SGCZ: variants seen among roughly 807,000 people sequenced by gnomAD.
The protein encoded by SGCZ is zeta-sarcoglycan.
Under a neutral mutation model 41.3 loss-of-function variants are expected in SGCZ, and 40 were observed. That is an observed-to-expected ratio of 0.97 (90% CI 0.75 to 1.26). SGCZ has a LOEUF of 1.26. Ranked by LOEUF, SGCZ falls within the 50% of genes most tolerant of loss-of-function variation. SGCZ has a pLI of 0.00. For missense variants in SGCZ, 552 were observed against 369.8 expected (o/e 1.49, Z -4.04); for synonymous variants, 206 against 137.5 (o/e 1.50, Z -3.49).
intron 1 of SGCZ, among the ~76,000 whole-genome samples, chr8:14,854,114 G>A (rs1803458249): frequency 7.0e-6 from 1 of 142,150 alleles, no homozygotes; most frequent in South Asian, 2.2e-4. Context: ...ATATCTCCTT[G>A]CACAGAGTCA....
intron 1 of SGCZ, among the ~76,000 whole-genome samples, chr8:14,903,090 C>T (rs1283669599): frequency 2.0e-5 from 3 of 152,076 alleles, no homozygotes; most frequent in African/African-American, 7.2e-5. Flanking sequence ...GTTAACGAGG[C>T]AGAGGGTTCT....
chr8:14,454,008 T>G (rs1343772808), intron 2 of SGCZ, among the ~76,000 whole-genome samples: 3 of 152,084 alleles, frequency 2.0e-5, no homozygotes, highest in Non-Finnish European at 4.4e-5. Flanking sequence ...AAAATAATTG[T>G]TTTTAATGAA....
At chr8:14,357,264 T>C (rs1229148616) in intron 2 of SGCZ, among the ~76,000 whole-genome samples, 1 of 152,214 alleles carries the variant, frequency 6.6e-6, no homozygotes, top group Non-Finnish European at 1.5e-5. Context: ...TCAAGAAGTA[T>C]GTATTTCAGT....
At chr8:14,838,220 G>GATAGAATGAA (rs1802770483) in intron 1 of SGCZ, among the ~76,000 whole-genome samples, 1 of 152,092 alleles carries the variant, frequency 6.6e-6, no homozygotes, top group Non-Finnish European at 1.5e-5. Context: ...AAGATAGGTA[G>GATAGAATGAA]ATAGAATGAA....
intron 1 of SGCZ, among the ~76,000 whole-genome samples, chr8:15,198,826 T>C (rs1800811906): frequency 6.6e-6 from 1 of 152,184 alleles, no homozygotes; most frequent in South Asian, 2.1e-4. Flanking sequence ...CTCATGTGAC[T>C]CTATGACTTA....
chr8:15,100,459 T>G (rs1806562766), intron 1 of SGCZ, among the ~76,000 whole-genome samples: 1 of 152,136 alleles, frequency 6.6e-6, no homozygotes, highest in South Asian at 2.1e-4. Context: ...AAAGAATATC[T>G]AAATAAATAG....
chr8:15,199,825 G>C (rs1800839533), intron 1 of SGCZ, among the ~76,000 whole-genome samples: 1 of 152,096 alleles, frequency 6.6e-6, no homozygotes, highest in Non-Finnish European at 1.5e-5. Context: ...TTAAACCTTT[G>C]CGGAAAAAAA....
chr8:14,179,958 C>T (rs1804668376), intron 4 of SGCZ, among the ~76,000 whole-genome samples: 1 of 152,178 alleles, frequency 6.6e-6, no homozygotes, highest in South Asian at 2.1e-4. Flanking sequence ...CCGGCCCAAG[C>T]ACTAGGGGCC....
At position 14,086,186 on chromosome 8, in the gene SGCZ, C is replaced by T. The variant is rs1300856657; in HGVS notation, c.*4257G>A. On this transcript the variant is annotated 3_prime_UTR_variant, in exon 8 of 8. Transcript: ENST00000382080. ...TTTGAAGAATTAGGTGACAAGACCT[C>T]ACTCATATAAAACTCAAATATGAAT... Among the ~76,000 whole-genome samples, 1 of 151,632 alleles carries T rather than the reference C, an allele frequency of 6.6e-6. No homozygotes were observed. The highest frequency in any genetic ancestry group is 1.5e-5 in the Non-Finnish European group (1 of 67,750).
chr8:15,085,577 C>A (rs1475704134), intron 1 of SGCZ, among the ~76,000 whole-genome samples: 1 of 152,116 alleles, frequency 6.6e-6, no homozygotes, highest in Non-Finnish European at 1.5e-5. Flanking sequence ...CTGTAGGTAA[C>A]CTGACAGCTT....
chr8:14,567,858 C>T (rs1032386018), intron 1 of SGCZ, among the ~76,000 whole-genome samples: 6 of 152,186 alleles, frequency 3.9e-5, no homozygotes, highest in African/African-American at 1.4e-4. Flanking sequence ...AGCTTCACTC[C>T]TGAGCCAGAG....
At chr8:15,164,952 T>C (rs2117049339) in intron 1 of SGCZ, among the ~76,000 whole-genome samples, 1 of 152,206 alleles carries the variant, frequency 6.6e-6, no homozygotes, top group Middle Eastern at 3.4e-3. Context: ...ACCCAGCAAC[T>C]GGGTTTTCTT....
chr8:14,236,105 A>G (rs1028543062), intron 4 of SGCZ, among the ~76,000 whole-genome samples: 1 of 152,208 alleles, frequency 6.6e-6, no homozygotes, highest in Non-Finnish European at 1.5e-5. Context: ...TGGAAAATCT[A>G]CTAAGGTTAG....
intron 2 of SGCZ, among the ~76,000 whole-genome samples, chr8:14,368,902 T>C (rs1002904399): frequency 9.9e-5 from 15 of 152,052 alleles, no homozygotes; most frequent in African/African-American, 3.1e-4. Flanking sequence ...GGGAAGTCAA[T>C]ATAAGAGTAC....
intron 1 of SGCZ, among the ~76,000 whole-genome samples, chr8:14,708,537 A>G (rs953098710): frequency 1.3e-5 from 2 of 151,892 alleles, no homozygotes; most frequent in African/African-American, 4.8e-5. Context: ...TCTTCTGTGT[A>G]TATAATATCT....
intron 1 of SGCZ, among the ~76,000 whole-genome samples, chr8:14,952,881 G>C (rs4582563): frequency 0.61 from 92,567 of 151,962 alleles, 28,569 homozygotes; most frequent in African/African-American, 0.7. Context: ...ACTGTGTGCT[G>C]GAAACCATTC....
chr8:14,882,944 T>C (rs954293457), intron 1 of SGCZ, among the ~76,000 whole-genome samples: 11 of 152,136 alleles, frequency 7.2e-5, no homozygotes, highest in Non-Finnish European at 1.6e-4. Context: ...TAACCACTGA[T>C]TTTTAATTTT....
chr8:15,226,825 A>C (rs909443190), intron 1 of SGCZ, among the ~76,000 whole-genome samples: 4 of 150,118 alleles, frequency 2.7e-5, no homozygotes, highest in Non-Finnish European at 4.4e-5. Context: ...GGGTTCTAAC[A>C]GAAGGAAAAA....
chr8:14,350,180 A>T (rs1328238901), intron 2 of SGCZ, among the ~76,000 whole-genome samples: 1 of 152,032 alleles, frequency 6.6e-6, no homozygotes, highest in Admixed American at 6.6e-5. Flanking sequence ...AATACTGAAG[A>T]TCTGGAGACA....
Sources: allele counts gnomAD v4.1 joint callset (sites outside exome capture counted in the v4.1 genomes callset), GRCh38; gene constraint gnomAD v4.1.1; transcripts MANE v1.5; gene names NCBI Gene and HGNC (gene_info 2026-07-23, HGNC 2026-07-21).